The following OGDH variants were observed in gnomAD, a reference collection of about 807,000 sequenced individuals.
OGDH encodes the protein oxoglutarate dehydrogenase.
OGDH carries 38 observed loss-of-function variants against 116.6 expected under a neutral mutation model. The observed-to-expected ratio is 0.33, with a 90% CI of 0.25 to 0.43. OGDH has a LOEUF of 0.43. OGDH is among the 20% of genes least tolerant of loss of function. OGDH has a pLI of 1.00. For synonymous variants in OGDH, 488 were observed against 533.3 expected (o/e 0.92, Z 1.17); for missense variants, 825 against 1,357.2 (o/e 0.61, Z 6.16).
In OGDH at chr7:44,686,194, A is replaced by G. The variant is rs535221287; in HGVS notation, c.1335+4346A>G. Among the ~76,000 whole-genome samples, 3 of 152,276 alleles carry G rather than the reference A, an allele frequency of 2.0e-5. No individual in the cohort carries two copies. In the East Asian group the frequency reaches 5.8e-4, roughly 29 times the overall value. Reference sequence around the variant, plus strand: ...TGGCTAGGACCTCAGCACAGTGTCAAAGTGGATAAAAACGGACATCCTTTT... The same window carrying G: ...TGGCTAGGACCTCAGCACAGTGTCAGAGTGGATAAAAACGGACATCCTTTT... On this transcript the variant is annotated intron_variant, in intron 10 of 22. Coordinates refer to ENST00000222673, the MANE Select transcript of OGDH (RefSeq NM_002541.4).
intron 1 of OGDH, among the ~76,000 whole-genome samples, chr7:44,610,292 T>G (rs1375033946): frequency 6.6e-6 from 1 of 152,112 alleles, no homozygotes; most frequent in Non-Finnish European, 1.5e-5. Flanking sequence ...TCTTTTCATC[T>G]TGGTTTTTTT....
chr7:44,623,914 G>A (rs1007885045), intron 1 of OGDH, among the ~76,000 whole-genome samples: 6 of 152,100 alleles, frequency 3.9e-5, no homozygotes, highest in Admixed American at 6.6e-5. Flanking sequence ...AAAGTGCTGG[G>A]ATTACAGGTG....
At chr7:44,652,213 A>G (rs1462336138) in intron 4 of OGDH, among the ~76,000 whole-genome samples, 2 of 151,344 alleles carry the variant, frequency 1.3e-5, no homozygotes, top group Non-Finnish European at 3.0e-5. Context: ...GGTTCAAGCA[A>G]TTCTCCTGCC....
intron 1 of OGDH, among the ~76,000 whole-genome samples, chr7:44,616,817 G>GTA (rs541936143): frequency 5.0e-5 from 5 of 100,760 alleles, no homozygotes; most frequent in East Asian, 4.8e-4. Context: ...GCATATATAC[G>GTA]TATATATGTG....
intron 1 of OGDH, among the ~76,000 whole-genome samples, chr7:44,621,160 A>C (rs942695333): frequency 6.6e-6 from 1 of 151,792 alleles, no homozygotes; most frequent in African/African-American, 2.4e-5. Context: ...TGAAGCCTTG[A>C]CCTCCTGGGC....
At chr7:44,645,764 C>G (rs1198868791) in intron 3 of OGDH, among the ~76,000 whole-genome samples, 2 of 152,230 alleles carry the variant, frequency 1.3e-5, no homozygotes, top group Non-Finnish European at 2.9e-5. Flanking sequence ...ATCCTTATTT[C>G]CTTTCCTTCC....
chr7:44,681,491 C>T (rs1252087872), intron 9 of OGDH, among the ~76,000 whole-genome samples: 1 of 152,200 alleles, frequency 6.6e-6, no homozygotes, highest in African/African-American at 2.4e-5. Context: ...ACAGCTCTTT[C>T]AGTGCTGAGA....
intron 5 of OGDH, among the ~76,000 whole-genome samples, chr7:44,670,562 C>T (rs959118809): frequency 6.6e-6 from 1 of 152,180 alleles, no homozygotes; most frequent in African/African-American, 2.4e-5. Context: ...ACCTTGGGCA[C>T]TATGGATCCC....
chr7:44,613,575 G>T (rs1784650199), intron 1 of OGDH, among the ~76,000 whole-genome samples: 1 of 151,910 alleles, frequency 6.6e-6, no homozygotes, highest in Non-Finnish European at 1.5e-5. Flanking sequence ...TAGCCAGGAT[G>T]GTCTCAATCT....
At chr7:44,616,816 C>CGT (rs1562610935) in intron 1 of OGDH, among the ~76,000 whole-genome samples, 1,342 of 102,350 alleles carry the variant, frequency 0.013, 31 homozygotes, top group African/African-American at 0.048. Flanking sequence ...TGCATATATA[C>CGT]GTATATATGT....
chr7:44,624,197 T>G, intron 1 of OGDH, 120 bp from the exon 2 acceptor site: 1 of 676,446 alleles, frequency 1.5e-6, no homozygotes, highest in Non-Finnish European at 2.5e-6. Context: ...TTTGTTTTTC[T>G]AGTAGCTTTT....
intron 10 of OGDH, among the ~76,000 whole-genome samples, chr7:44,689,148 C>CA (rs1788260227): frequency 6.6e-6 from 1 of 150,852 alleles, no homozygotes; most frequent in South Asian, 2.1e-4. Context: ...GTGGAAATCT[C>CA]AGACTGTTTC....
intron 1 of OGDH, 91 bp from the exon 2 acceptor site, chr7:44,624,226 C>T: frequency 3.6e-6 from 3 of 844,884 alleles, no homozygotes; most frequent in South Asian, 1.7e-5. Context: ...ATTATCCTTT[C>T]TCTAGAGCAT....
rs1051805811 is a variant in OGDH at position 44,707,141 on chromosome 7, A to C, written c.2633-84A>C. On this transcript the variant is annotated intron_variant, in intron 20 of 22. Transcript: ENST00000222673. This position sits in a 1 kb window ranked among gnomAD's most constrained non-coding sequence, Gnocchi z 5.2. ...CTTGAAAGCTGCGTCTCCTGGCAGC[A>C]GTCCCTGGCACAGCCCTGGGCCCAG... 5.6e-6 allele frequency: 8 copies of C among 1,426,112 alleles called. No individual in the cohort carries two copies. The African/African-American group carries it at 1.1e-4, about 20-fold the overall frequency. 88.3% of individuals were successfully genotyped at this position (1,426,112 alleles called of 1,614,324 possible). A position where few individuals can be genotyped will look rare whatever the true frequency, so the allele number is the denominator to read the frequency against.
intron 2 of OGDH, among the ~76,000 whole-genome samples, chr7:44,626,350 C>G (rs758054921): frequency 1.3e-5 from 2 of 151,234 alleles, no homozygotes; most frequent in African/African-American, 4.9e-5. Context: ...CACACACACA[C>G]ACACACACAC....
chr7:44,641,225 CT>C (rs1175522868), intron 2 of OGDH, among the ~76,000 whole-genome samples: 9,844 of 81,520 alleles, frequency 0.12, 355 homozygotes, highest in East Asian at 0.4. Flanking sequence ...TTTTTTTTTT[CT>C]TTTTTTTTTT....
rs61608424 is a variant in OGDH, at chr7:44,665,285, TA to T, written c.518-1431del. Among the ~76,000 whole-genome samples the T allele has an allele frequency of 7.9e-3, 723 of 91,974 alleles. 1 individual carries two copies. Among genetic ancestry groups the T allele is most frequent in the Middle Eastern group, 0.02 (3 of 152 alleles). The allele number at this position is 91,974 out of a possible 152,430, so 60.3% of individuals were successfully genotyped here. ...CTACTACCATCACCACCCTCCAGGT[TA>T]AAAAAAAAAAAAAAAAAAAGCCAGA... is the stretch of plus-strand genomic sequence containing the variant. On this transcript the variant is annotated intron_variant, in intron 4 of 22. Transcript: ENST00000222673.
intron 8 of OGDH, 47 bp from the exon 9 acceptor site, chr7:44,675,923 T>G (rs768735671): frequency 1.3e-6 from 2 of 1,587,088 alleles, no homozygotes; most frequent in Admixed American, 1.7e-5. Context: ...TTTTGGAGAC[T>G]GAGCATCTCC....
chr7:44,668,421 G>A (rs1322878595), intron 5 of OGDH, among the ~76,000 whole-genome samples: 1 of 151,790 alleles, frequency 6.6e-6, no homozygotes, highest in African/African-American at 2.4e-5. Context: ...GGGCAACAGA[G>A]CAAGACTCCA....
Sources: allele counts gnomAD v4.1 joint callset (sites outside exome capture counted in the v4.1 genomes callset), GRCh38; gene constraint gnomAD v4.1.1; non-coding constraint Gnocchi (gnomAD v3.1); transcripts MANE v1.5; gene names NCBI Gene and HGNC (gene_info 2026-07-23, HGNC 2026-07-21).